TTC29: variants seen among roughly 807,000 people sequenced by gnomAD.
TTC29 encodes tetratricopeptide repeat domain 29.
Under a neutral mutation model 58.1 loss-of-function variants are expected in TTC29, and 49 were observed. The observed-to-expected ratio is 0.84, with a 90% CI of 0.67 to 1.07. The LOEUF (loss-of-function observed/expected upper bound fraction) is 1.07. Ranked by LOEUF, TTC29 falls within the 50% of genes least tolerant of loss-of-function variation. The pLI is 0.00. For synonymous variants in TTC29, 209 were observed against 196.8 expected (o/e 1.06, Z -0.52); for missense variants, 582 against 555.6 (o/e 1.05, Z -0.48).
chr4:146,898,562 G>A (rs1002224837), intron 6 of TTC29, among the ~76,000 whole-genome samples: 4 of 152,188 alleles, frequency 2.6e-5, no homozygotes, highest in Admixed American at 2.6e-4. Flanking sequence ...AAGTCATACA[G>A]GAGGGTCTTC....
At chr4:146,881,129 G>A (rs1731597924) in intron 6 of TTC29, among the ~76,000 whole-genome samples, 1 of 152,102 alleles carries the variant, frequency 6.6e-6, no homozygotes, top group Non-Finnish European at 1.5e-5. Flanking sequence ...GTCCAAAGAT[G>A]GCTGCTGGTA....
intron 10 of TTC29, among the ~76,000 whole-genome samples, chr4:146,818,311 C>T (rs1751564707): frequency 6.6e-6 from 1 of 152,194 alleles, no homozygotes; most frequent in African/African-American, 2.4e-5. Context: ...GACATTTATG[C>T]AGCCAAAATA....
At chr4:146,787,154 A>G (rs1749084485) in intron 11 of TTC29, among the ~76,000 whole-genome samples, 1 of 152,208 alleles carries the variant, frequency 6.6e-6, no homozygotes, top group South Asian at 2.1e-4. Flanking sequence ...TGAGAGCTAA[A>G]GAACTACCTA....
intron 8 of TTC29, among the ~76,000 whole-genome samples, chr4:146,857,110 T>C (rs1729910593): frequency 6.6e-6 from 1 of 152,218 alleles, no homozygotes; most frequent in African/African-American, 2.4e-5. Context: ...ACATTTTCTA[T>C]ACAATTTGTA....
chr4:146,893,085 C>A (rs560416052), intron 6 of TTC29, among the ~76,000 whole-genome samples: 2 of 152,112 alleles, frequency 1.3e-5, no homozygotes, highest in African/African-American at 2.4e-5. Flanking sequence ...GAATCAATAT[C>A]GTGAAAATGG....
chr4:146,937,415 A>G (rs1285281926), intron 4 of TTC29, among the ~76,000 whole-genome samples, 179 bp downstream of exon 4: 1 of 152,066 alleles, frequency 6.6e-6, no homozygotes, highest in Non-Finnish European at 1.5e-5. Context: ...ATAAAATTAA[A>G]GACTTTGATA....
chr4:146,790,914 T>C (rs768804468), intron 11 of TTC29, among the ~76,000 whole-genome samples: 1 of 152,232 alleles, frequency 6.6e-6, no homozygotes, highest in Non-Finnish European at 1.5e-5. Context: ...CATTTTTTGT[T>C]GTTACATAGC....
chr4:146,769,516 TA>T (rs1304861011), intron 11 of TTC29, among the ~76,000 whole-genome samples: 1 of 152,030 alleles, frequency 6.6e-6, no homozygotes, highest in African/African-American at 2.4e-5. Flanking sequence ...ATTAAGCATA[TA>T]TTTTTTATGC....
At position 146,803,452 on chromosome 4, in the gene TTC29, C is replaced by T; in HGVS notation, c.1330+5G>A. ...ACTAAAGTGTTCTAAAAACCAATGC[C>T]TTACCAGTAACTGGATCAGGTTCAA... On this transcript the variant is annotated splice_donor_5th_base_variant and intron_variant, in intron 11 of 12. Coordinates refer to ENST00000325106, the MANE Select transcript of TTC29 (RefSeq NM_031956.4). The T allele has an allele frequency of 6.4e-7, 1 of 1,560,142 alleles. No individual in the cohort carries two copies. Among genetic ancestry groups the T allele is most frequent in the African/African-American group, 1.4e-5 (1 of 74,056 alleles).
At chr4:146,782,881 G>A (rs556982965) in intron 11 of TTC29, among the ~76,000 whole-genome samples, 61 of 151,982 alleles carry the variant, frequency 4.0e-4, no homozygotes, top group South Asian at 8.3e-4. Flanking sequence ...TCAAATAAGC[G>A]TCAGAAAATA....
At chr4:146,723,618 C>T (rs945645460) in intron 11 of TTC29, among the ~76,000 whole-genome samples, 7 of 152,122 alleles carry the variant, frequency 4.6e-5, no homozygotes, top group Non-Finnish European at 8.8e-5. Context: ...AGCCAACAAA[C>T]GTATGAGAAA....
At chr4:146,915,537 T>C (rs887998956) in intron 4 of TTC29, among the ~76,000 whole-genome samples, 50 of 152,078 alleles carry the variant, frequency 3.3e-4, no homozygotes, top group African/African-American at 1.1e-3. Flanking sequence ...GGAAAAACAC[T>C]GACAAAGACA....
At chr4:146,857,298 G>GTGTGTGTGTGTGTGT (rs1561193683) in intron 8 of TTC29, among the ~76,000 whole-genome samples, 1 of 151,628 alleles carries the variant, frequency 6.6e-6, no homozygotes, top group Non-Finnish European at 1.5e-5. Context: ...GTGTGTGTGT[G>GTGTGTGTGTGTGTGT]GAGGGTAATG....
chr4:146,713,860 A>G (rs1742721131), intron 11 of TTC29, among the ~76,000 whole-genome samples: 1 of 152,152 alleles, frequency 6.6e-6, no homozygotes, highest in South Asian at 2.1e-4. Flanking sequence ...TTTTCTGGGC[A>G]TCTAAACTTT....
chr4:146,795,757 A>G (rs569310362), intron 11 of TTC29, among the ~76,000 whole-genome samples: 1 of 152,222 alleles, frequency 6.6e-6, no homozygotes, highest in Non-Finnish European at 1.5e-5. Flanking sequence ...CTTATGGACC[A>G]AGAACCACTA....
At chr4:146,825,689 A>G (rs923180976) in intron 9 of TTC29, among the ~76,000 whole-genome samples, 2 of 152,100 alleles carry the variant, frequency 1.3e-5, no homozygotes, top group African/African-American at 4.8e-5. Context: ...TCTGCCTAAT[A>G]CTGACAGTGG....
intron 4 of TTC29, among the ~76,000 whole-genome samples, chr4:146,913,357 A>G (rs907758809): frequency 1.1e-4 from 16 of 152,232 alleles, no homozygotes; most frequent in African/African-American, 3.6e-4. Flanking sequence ...TCTGGGCCTC[A>G]TTTTCCCCAC....
chr4:146,887,011 C>A (rs1055814289), intron 6 of TTC29, among the ~76,000 whole-genome samples: 1 of 152,080 alleles, frequency 6.6e-6, no homozygotes, highest in South Asian at 2.1e-4. Flanking sequence ...CTAAAATAGT[C>A]AAACTCATAG....
intron 6 of TTC29, among the ~76,000 whole-genome samples, chr4:146,900,215 T>G (rs1733048408): frequency 6.6e-6 from 1 of 152,218 alleles, no homozygotes; most frequent in Non-Finnish European, 1.5e-5. Context: ...TTGTTTTATC[T>G]GTCAGGCAAT....
Sources: allele counts gnomAD v4.1 joint callset (sites outside exome capture counted in the v4.1 genomes callset), GRCh38; gene constraint gnomAD v4.1.1; transcripts MANE v1.5; gene names NCBI Gene and HGNC (gene_info 2026-07-23, HGNC 2026-07-21).